The following PTPN21 variants were observed in gnomAD, a reference collection of about 807,000 sequenced individuals.
PTPN21 encodes the protein tyrosine-protein phosphatase non-receptor type 21.
PTPN21 carries 77 observed loss-of-function variants against 131.8 expected under a neutral mutation model. The ratio of observed to expected loss-of-function variants is 0.58; its 90% CI spans 0.49 to 0.71. The LOEUF (loss-of-function observed/expected upper bound fraction) is 0.71, where lower values mean the gene tolerates loss of function less well. Among genes scored for constraint, PTPN21 ranks in the 30% least tolerant of loss-of-function variants. PTPN21 has a pLI of 0.00. For synonymous variants in PTPN21, 715 were observed against 621.3 expected, an observed-to-expected ratio of 1.15 and a Z score of -2.24; for missense variants, 1,552 against 1,527.1, an observed-to-expected ratio of 1.02 and a Z score of -0.27.
chr14:88,480,049 C>A lies in PTPN21; in HGVS notation c.1382G>T (p.Gly461Val), dbSNP rs138713555. 3.1e-5 allele frequency: 50 copies of A among 1,613,900 alleles called. No homozygotes were observed. Among genetic ancestry groups the A allele is most frequent in the Non-Finnish European group, 4.1e-5 (48 of 1,180,046 alleles). Residue 461 changes from glycine to valine, a missense_variant, in exon 13 of 19, where the codon GGC becomes GTC. This residue lies in a region of PTPN21 where 1,016 missense variants were observed against 883.5 expected (regional missense o/e 1.15). Coordinates refer to ENST00000556564, the MANE Select transcript of PTPN21 (RefSeq NM_007039.4). The stretch of plus-strand genomic sequence containing the variant: ...GCTCTGCCGTTCCGCATGCACCAGG[C>A]CCCTGTTGAGCTGCTTCATCACAGT... ...YETVMKQLNR[G>V]LVHAERQSHS...
intron 2 of PTPN21, among the ~76,000 whole-genome samples, chr14:88,533,573 ACTC>A (rs1391885840): frequency 4.6e-5 from 7 of 152,172 alleles, no homozygotes; most frequent in Non-Finnish European, 1.0e-4. Context: ...TTTAGAGTGT[ACTC>A]CTATTTATAA....
intron 7 of PTPN21, 170 bp downstream of exon 7, chr14:88,501,111 G>A (rs903856773): frequency 1.4e-6 from 1 of 702,880 alleles, no homozygotes; most frequent in Non-Finnish European, 2.5e-6. Context: ...ACCACAAAAT[G>A]GGAATGTGTT....
chr14:88,514,607 G>C (rs2139305265), intron 3 of PTPN21, among the ~76,000 whole-genome samples: 1 of 152,066 alleles, frequency 6.6e-6, no homozygotes, highest in South Asian at 2.1e-4. Context: ...TGGGATTACA[G>C]GCATGTGCCA....
At chr14:88,494,220 G>C (rs1007204207) in intron 10 of PTPN21, among the ~76,000 whole-genome samples, 7 of 152,044 alleles carry the variant, frequency 4.6e-5, no homozygotes, top group African/African-American at 1.7e-4. Flanking sequence ...GTGGAGACCT[G>C]GGAAAAGAGC....
At chr14:88,478,823 A>G in intron 13 of PTPN21, 97 bp downstream of exon 13, 2 of 741,024 alleles carry the variant, frequency 2.7e-6, no homozygotes, top group Non-Finnish European at 4.0e-6. Flanking sequence ...CGTTAAAAGA[A>G]CAAGAGGAGC....
At chr14:88,472,902 G>T (rs1424027390) in intron 14 of PTPN21, among the ~76,000 whole-genome samples, 3 of 152,112 alleles carry the variant, frequency 2.0e-5, no homozygotes, top group African/African-American at 4.8e-5. Context: ...ATTTTAAAAA[G>T]CCACAACAAC....
chr14:88,550,359 T>C lies in PTPN21; in HGVS notation c.59A>G (p.Lys20Arg). 1 of 1,614,048 alleles carries C rather than the reference T, an allele frequency of 6.2e-7. No individual in the cohort carries two copies. Among genetic ancestry groups the C allele is most frequent in the Non-Finnish European group, 8.5e-7 (1 of 1,179,878 alleles). The change falls in exon 2 of 19, where the codon AAG becomes AGG. Residue 20 changes from lysine to arginine, a missense_variant. Transcript: ENST00000556564. ...TTGGATCCGGGCAACCAGGCAACTC[T>C]TGCTGGACACCGTGTAGCGCCGGGT... ...KRTRRYTVSS[K>R]SCLVARIQLL... is the part of the protein sequence containing the mutation.
At chr14:88,499,751 T>C (rs2077981028) in intron 8 of PTPN21, among the ~76,000 whole-genome samples, 1 of 152,242 alleles carries the variant, frequency 6.6e-6, no homozygotes, top group African/African-American at 2.4e-5. Flanking sequence ...TAGAATATGT[T>C]TTCCTGCCTT....
chr14:88,475,473 C>T (rs937276947), intron 13 of PTPN21, among the ~76,000 whole-genome samples: 7 of 152,264 alleles, frequency 4.6e-5, no homozygotes, highest in Admixed American at 4.6e-4. Context: ...TCTAACTGAC[C>T]AACTTCTTTC....
At position 88,550,514 on chromosome 14, in the gene PTPN21, G is replaced by A. The variant is rs1459040590; in HGVS notation, c.-97C>T. The A allele has an allele frequency of 8.4e-7, 1 of 1,188,522 alleles. No individual in the cohort carries two copies. The highest frequency in any genetic ancestry group is 1.2e-6 in the Non-Finnish European group (1 of 846,538). 73.6% of individuals were successfully genotyped at this position (1,188,522 alleles called of 1,614,324 possible). A position where few individuals can be genotyped will look rare whatever the true frequency, so the allele number is the denominator to read the frequency against. On this transcript the variant is annotated 5_prime_UTR_variant, in exon 2 of 19. Transcript: ENST00000556564. ...CAGGAGAAAGCGATCCTCTCCGGATGGGACGAACACTGTCCGGCCTCCAGC... is the reference window on the plus strand; with the variant it reads ...CAGGAGAAAGCGATCCTCTCCGGATAGGACGAACACTGTCCGGCCTCCAGC...
chr14:88,466,269 G>C lies in PTPN21; in HGVS notation c.*1868C>G, dbSNP rs1228263839. 6.6e-6 allele frequency: 1 copy of C among 151,848 alleles called. No homozygotes were observed. The highest frequency in any genetic ancestry group is 1.5e-5 in the Non-Finnish European group (1 of 67,972). 9.4% of individuals were successfully genotyped at this position (151,848 alleles called of 1,614,324 possible). A position where few individuals can be genotyped will look rare whatever the true frequency, so the allele number is the denominator to read the frequency against. On this transcript the variant is annotated 3_prime_UTR_variant, in exon 19 of 19. Coordinates refer to ENST00000556564, the MANE Select transcript of PTPN21 (RefSeq NM_007039.4). ...CTACAAAATGTAATTTTTTAATTTT[G>C]TAAAATAAAAATGTAAAATTTTAAT...
At position 88,480,078 on chromosome 14, in the gene PTPN21, A is replaced by T; in HGVS notation, c.1353T>A (p.Tyr451Ter). The change falls in exon 13 of 19, where the codon TAT becomes TAA. Residue 451 changes from tyrosine (Y) to a stop codon, truncating the protein, a stop_gained. Transcript: ENST00000556564. LOFTEE classifies it high-confidence loss of function. ...IPPSYRPTPD[Y>*]ETVMKQLNRG... ...TGTTGAGCTGCTTCATCACAGTCTC[A>T]TAGTCTGGGGTGGGGCGGTAGGACG... 1 of 1,613,974 alleles carries T rather than the reference A, an allele frequency of 6.2e-7. No homozygotes were observed. Among genetic ancestry groups the T allele is most frequent in the Non-Finnish European group, 8.5e-7 (1 of 1,179,872 alleles).
At chr14:88,527,047 A>G (rs1159260277) in intron 2 of PTPN21, among the ~76,000 whole-genome samples, 1 of 152,084 alleles carries the variant, frequency 6.6e-6, no homozygotes, top group Non-Finnish European at 1.5e-5. Context: ...TCCCTTATCC[A>G]CTAGTTGGTT....
intron 2 of PTPN21, among the ~76,000 whole-genome samples, chr14:88,545,227 T>C (rs2078759662): frequency 6.6e-6 from 1 of 152,238 alleles, no homozygotes; most frequent in Non-Finnish European, 1.5e-5. Context: ...CCATGTGCCC[T>C]AACTATAGGA....
intron 2 of PTPN21, among the ~76,000 whole-genome samples, chr14:88,538,809 G>T (rs2078664493): frequency 6.6e-6 from 1 of 152,128 alleles, no homozygotes; most frequent in Non-Finnish European, 1.5e-5. Flanking sequence ...TAATACCTTT[G>T]TGTCTCAGTT....
rs368739644 is a variant in PTPN21 at position 88,469,103 on chromosome 14, G to A, written c.3236-27C>T. ...TGTGGAAAATCAATGAAATAGAAAA[G>A]TACTCAAGGATCAAGGCGTATCACA... On this transcript the variant is annotated intron_variant, in intron 17 of 18. Coordinates refer to ENST00000556564, the MANE Select transcript of PTPN21 (RefSeq NM_007039.4). This position sits in a 1 kb window ranked among gnomAD's most constrained non-coding sequence, Gnocchi z 4.3. 1.4e-5 allele frequency: 22 copies of A among 1,597,528 alleles called. No homozygotes were observed. In the African/African-American group the frequency reaches 2.4e-4, roughly 18 times the overall value.
intron 2 of PTPN21, among the ~76,000 whole-genome samples, chr14:88,536,688 G>C (rs765474473): frequency 9.3e-4 from 142 of 152,172 alleles, no homozygotes; most frequent in Non-Finnish European, 1.7e-3. Flanking sequence ...AGAGCAGAGG[G>C]ACACAGAAAT....
Position 88,469,458 on chromosome 14 carries a change from C to G in PTPN21, c.3235+41G>C. 1.3e-6 allele frequency: 2 copies of G among 1,501,116 alleles called. No homozygotes were observed. The highest frequency in any genetic ancestry group is 2.3e-5 in the South Asian group (2 of 88,588). The allele number at this position is 1,501,116 out of a possible 1,614,324, so 93.0% of individuals were successfully genotyped here. A position where few individuals can be genotyped will look rare whatever the true frequency, so the allele number is the denominator to read the frequency against. ...AAATGTTCCTCTCTGTTTAACACCT[C>G]CAGAGGCAGCTGTCCTCGGAACAAA... On this transcript the variant is annotated intron_variant, in intron 17 of 18. Coordinates refer to ENST00000556564, the MANE Select transcript of PTPN21 (RefSeq NM_007039.4). The surrounding 1 kb of genome is among the most constrained non-coding windows in gnomAD (Gnocchi z 4.3).
rs2077407132 is a variant in PTPN21, at chr14:88,468,861, T to TTG, written c.3396+54_3396+55insCA. 4 of 1,609,090 alleles carry TTG rather than the reference T, an allele frequency of 2.5e-6. No individual in the cohort carries two copies. In the African/African-American group the frequency reaches 5.4e-5, roughly 22 times the overall value. Reference sequence around the variant, plus strand: ...GAGCTATTAAGTCACTATGTCCCTCTCTTCCCCAGCCTCATTTCCACCCAA... The same window carrying TTG: ...GAGCTATTAAGTCACTATGTCCCTCTTGCTTCCCCAGCCTCATTTCCACCCAA... On this transcript the variant is annotated intron_variant, in intron 18 of 18. Coordinates refer to ENST00000556564, the MANE Select transcript of PTPN21 (RefSeq NM_007039.4).
Sources: allele counts gnomAD v4.1 joint callset (sites outside exome capture counted in the v4.1 genomes callset), GRCh38; gene constraint gnomAD v4.1.1; regional missense constraint gnomAD v4.1.1; non-coding constraint Gnocchi (gnomAD v3.1); transcripts MANE v1.5; gene names NCBI Gene and HGNC (gene_info 2026-07-23, HGNC 2026-07-21).